Variants in PTPRA observed in about 807,000 individuals in gnomAD.
PTPRA encodes the protein receptor-type tyrosine-protein phosphatase alpha.
In PTPRA, 25 loss-of-function variants were observed where a neutral mutation model predicts 104.8. The observed-to-expected ratio is 0.24, with a 90% CI of 0.17 to 0.33. PTPRA has a LOEUF of 0.33. Among genes scored for constraint, PTPRA ranks in the 10% least tolerant of loss-of-function variants. The pLI is 1.00. For synonymous variants in PTPRA, 323 were observed against 368.9 expected, an observed-to-expected ratio of 0.88 and a Z score of 1.43; for missense variants, 765 against 1,015.3, an observed-to-expected ratio of 0.75 and a Z score of 3.35.
rs139593523 is a variant in PTPRA, at chr20:2,938,143, A to G, written c.-49-9839A>G. On this transcript the variant is annotated intron_variant, in intron 2 of 23. Transcript: ENST00000399903. ...AGACCAGCCTGGACAACATAGTGAGACCCCACCTCTAAAACAGATAGATAG... is the reference window on the plus strand; with the variant it reads ...AGACCAGCCTGGACAACATAGTGAGGCCCCACCTCTAAAACAGATAGATAG... 2.7e-3 allele frequency among the ~76,000 whole-genome samples: 412 copies of G among 152,006 alleles called. 2 individuals carry two copies. Among genetic ancestry groups the G allele is most frequent in the African/African-American group, 9.4e-3 (388 of 41,450 alleles).
chr20:2,994,474 C>CT (rs2063320449), intron 9 of PTPRA, among the ~76,000 whole-genome samples: 1 of 152,226 alleles, frequency 6.6e-6, no homozygotes, highest in South Asian at 2.1e-4. Context: ...TCAGGAATCC[C>CT]ATTTTGAAAT....
intron 6 of PTPRA, among the ~76,000 whole-genome samples, chr20:2,981,314 T>C (rs888442795): frequency 6.6e-6 from 1 of 152,216 alleles, no homozygotes; most frequent in African/African-American, 2.4e-5. Context: ...TTTGAAATGC[T>C]AGGTCTCGGA....
rs2065837667 is a variant in PTPRA, at chr20:3,037,109, CAG to C, written c.2199-42_2199-41del. 6.2e-7 allele frequency: 1 copy of C among 1,602,774 alleles called. No individual in the cohort carries two copies. Among genetic ancestry groups the C allele is most frequent in the Non-Finnish European group, 8.5e-7 (1 of 1,174,102 alleles). Reference sequence around the variant, plus strand: ...CACCACTGTCACTCACCCCCTTGCACAGAGGGCCATCACAGGTGTGGTAAATG... The same window carrying C: ...CACCACTGTCACTCACCCCCTTGCACAGGGCCATCACAGGTGTGGTAAATG... On this transcript the variant is annotated intron_variant, in intron 22 of 23. Transcript: ENST00000399903. This position sits in a 1 kb window ranked among gnomAD's most constrained non-coding sequence, Gnocchi z 4.3.
chr20:3,026,856 A>G (rs1600277943), intron 18 of PTPRA, 76 bp downstream of exon 18: 1 of 1,250,802 alleles, frequency 8.0e-7, no homozygotes, highest in Non-Finnish European at 1.2e-6. Context: ...TTTCTCAGGT[A>G]CTAGTTAATG....
At chr20:2,944,317 C>T (rs1311790935) in intron 2 of PTPRA, among the ~76,000 whole-genome samples, 1 of 152,164 alleles carries the variant, frequency 6.6e-6, no homozygotes, top group Admixed American at 6.6e-5. Context: ...GCTGGGATTA[C>T]AGGCGTGAGC....
intron 6 of PTPRA, among the ~76,000 whole-genome samples, chr20:2,977,664 A>G (rs769058944): frequency 3.0e-4 from 45 of 151,374 alleles, no homozygotes; most frequent in Non-Finnish European, 5.0e-4. Flanking sequence ...AAGGGCGGGG[A>G]TTATCATAGT....
chr20:2,976,733 T>C (rs1397212319), intron 6 of PTPRA, among the ~76,000 whole-genome samples: 1 of 152,260 alleles, frequency 6.6e-6, no homozygotes, highest in Non-Finnish European at 1.5e-5. Flanking sequence ...ATTCTAATTT[T>C]AAGCCAAATG....
intron 2 of PTPRA, among the ~76,000 whole-genome samples, chr20:2,945,106 C>T (rs2061076305): frequency 6.6e-6 from 1 of 151,816 alleles, no homozygotes; most frequent in African/African-American, 2.4e-5. Flanking sequence ...ACCTATTTAC[C>T]AGCTCACTAA....
At chr20:2,948,779 G>A (rs891746520) in intron 3 of PTPRA, among the ~76,000 whole-genome samples, 34 of 151,710 alleles carry the variant, frequency 2.2e-4, no homozygotes, top group Admixed American at 2.6e-4. Context: ...GTGAAACCCT[G>A]TCTGTACTAA....
intron 1 of PTPRA, among the ~76,000 whole-genome samples, chr20:2,901,397 T>C (rs2059232110): frequency 6.6e-6 from 1 of 152,164 alleles, no homozygotes; most frequent in East Asian, 1.9e-4. Context: ...ATATGTACAA[T>C]AATGTATTTT....
At position 3,005,133 on chromosome 20, in the gene PTPRA, A is replaced by C; in HGVS notation, c.816A>C (p.Val272=). The change falls in exon 10 of 24, where the codon GTA becomes GTC. Residue 272 remains valine (V), a synonymous_variant. Coordinates refer to ENST00000399903, the MANE Select transcript of PTPRA (RefSeq NM_001385305.1). The part of the protein sequence containing the change: ...KEENKEKNRY[V]NILPYDHSRV... The stretch of plus-strand genomic sequence containing the variant: ...AAAACAAGGAAAAAAATCGATATGT[A>C]AACATCTTGCCTTGTGAGTGTCTTT... 6.2e-7 allele frequency: 1 copy of C among 1,601,018 alleles called. No individual in the cohort carries two copies. Among genetic ancestry groups the C allele is most frequent in the Non-Finnish European group, 8.6e-7 (1 of 1,168,062 alleles).
intron 2 of PTPRA, among the ~76,000 whole-genome samples, chr20:2,929,913 A>AC (rs754023057): frequency 2.0e-5 from 3 of 152,192 alleles, no homozygotes; most frequent in Non-Finnish European, 4.4e-5. Context: ...CCTTGTAAGA[A>AC]AAGGAAATTT....
rs1482590005 is a variant in PTPRA at position 3,038,282 on chromosome 20, A to G, written c.*149A>G. ...CTATTACCTATTAGGTGGAAATTTT[A>G]TATGTAAATGTGTTAGCACTGATAG... On this transcript the variant is annotated 3_prime_UTR_variant, in exon 24 of 24. Coordinates refer to ENST00000399903, the MANE Select transcript of PTPRA (RefSeq NM_001385305.1). 5.9e-6 allele frequency: 4 copies of G among 672,336 alleles called. No individual in the cohort carries two copies. The highest frequency in any genetic ancestry group is 1.0e-5 in the Non-Finnish European group (4 of 396,670). The allele number at this position is 672,336 out of a possible 1,614,324, so 41.6% of individuals were successfully genotyped here. A position where few individuals can be genotyped will look rare whatever the true frequency, so the allele number is the denominator to read the frequency against.
At chr20:2,990,975 G>A (rs1380802178) in intron 9 of PTPRA, among the ~76,000 whole-genome samples, 1 of 152,158 alleles carries the variant, frequency 6.6e-6, no homozygotes, top group East Asian at 1.9e-4. Flanking sequence ...CATTTACCAG[G>A]CAAGAGTTAA....
chr20:2,928,140 G>T (rs1198792752), intron 2 of PTPRA, among the ~76,000 whole-genome samples: 1 of 151,942 alleles, frequency 6.6e-6, no homozygotes, highest in Non-Finnish European at 1.5e-5. Context: ...TGTTGTTGTT[G>T]TTTGTTTGTT....
At chr20:2,939,677 A>C (rs1021286423) in intron 2 of PTPRA, among the ~76,000 whole-genome samples, 2 of 152,162 alleles carry the variant, frequency 1.3e-5, no homozygotes, top group Non-Finnish European at 2.9e-5. Flanking sequence ...AACCAAACCA[A>C]ACAAAAAAGT....
intron 9 of PTPRA, among the ~76,000 whole-genome samples, chr20:2,994,747 A>G (rs1408843506): frequency 1.3e-5 from 2 of 152,214 alleles, no homozygotes; most frequent in African/African-American, 2.4e-5. Flanking sequence ...TCCACTGGCG[A>G]GCCTAGCTCA....
intron 20 of PTPRA, among the ~76,000 whole-genome samples, chr20:3,032,368 A>C (rs769441703): frequency 6.6e-6 from 1 of 152,068 alleles, no homozygotes; most frequent in African/African-American, 2.4e-5. Flanking sequence ...CAGCCTATAC[A>C]TGTTACATTT....
intron 2 of PTPRA, among the ~76,000 whole-genome samples, chr20:2,924,463 G>C (rs769515536): frequency 2.0e-5 from 3 of 152,100 alleles, no homozygotes; most frequent in Admixed American, 6.6e-5. Context: ...TTCAGTAATA[G>C]AAAGGAACAA....
Sources: allele counts gnomAD v4.1 joint callset (sites outside exome capture counted in the v4.1 genomes callset), GRCh38; gene constraint gnomAD v4.1.1; non-coding constraint Gnocchi (gnomAD v3.1); transcripts MANE v1.5; gene names NCBI Gene and HGNC (gene_info 2026-07-23, HGNC 2026-07-21).